The following GPC3 variants were observed in gnomAD, a reference collection of about 807,000 sequenced individuals.
GPC3 encodes the protein glypican 3, also known as glypican-3.
In GPC3, 3 loss-of-function variants were observed where a neutral mutation model predicts 34.4. That is an observed-to-expected ratio of 0.09 (90% confidence interval 0.04 to 0.23). The LOEUF is 0.23. Among genes scored for constraint, GPC3 ranks in the 10% least tolerant of loss-of-function variants. The pLI, the probability that GPC3 is intolerant of heterozygous loss-of-function variation, is 1.00. For missense variants in GPC3, 351 were observed against 445.6 expected, an observed-to-expected ratio of 0.79 and a Z score of 1.91; for synonymous variants, 177 against 174.0, an observed-to-expected ratio of 1.02 and a Z score of -0.13.
rs372012715 is a variant in GPC3, at chrX:133,625,532, A to G, written c.1414-28933T>C. ...TCTTATACACCAATAACAGACAAAC[A>G]GAGAGCCAAATCATGAGTGAACTCC... On this transcript the variant is annotated intron_variant, in intron 6 of 7. Transcript: ENST00000370818. Among the ~76,000 whole-genome samples, 112 of 111,950 alleles carry G rather than the reference A, an allele frequency of 1.0e-3. 4 individuals carry two copies. In the East Asian group the frequency reaches 0.027, roughly 27 times the overall value.
chrX:133,753,684 T>C lies in GPC3; in HGVS notation c.830A>G (p.Tyr277Cys). The change falls in exon 3 of 8, where the codon TAC becomes TGC. Residue 277 changes from tyrosine to cysteine, a missense_variant. Coordinates refer to ENST00000370818, the MANE Select transcript of GPC3 (RefSeq NM_004484.4). ...ACAGCCTTGCATGACCACATTGCAG[T>C]AACCGCCACAGGGTTTAACCATCAT... ...GLMMVKPCGG[Y>C]CNVVMQGCMA... 1 of 1,211,385 alleles carries C rather than the reference T, an allele frequency of 8.3e-7. No homozygotes were observed. Among genetic ancestry groups the C allele is most frequent in the Non-Finnish European group, 1.1e-6 (1 of 895,083 alleles).
intron 7 of GPC3, among the ~76,000 whole-genome samples, chrX:133,549,229 A>G (rs180938392): frequency 1.8e-5 from 2 of 110,866 alleles, no homozygotes; most frequent in African/African-American, 6.6e-5. Context: ...ACCGCCACCC[A>G]CAGTCCTCAA....
chrX:133,712,993 C>G (rs145143727), intron 3 of GPC3, among the ~76,000 whole-genome samples: 1,487 of 112,287 alleles, frequency 0.013, 25 homozygotes, highest in African/African-American at 0.044. Flanking sequence ...GATGGAGAAA[C>G]AAACTCATCA....
Position 133,557,524 on chromosome X carries a change from A to G in GPC3, c.1574-21231T>C, listed in dbSNP as rs182936389. ...ACAAACCCCAGCATGACACGAGGCT[A>G]TATCAGTTGGATTATGGAGCAAATC... On this transcript the variant is annotated intron_variant, in intron 7 of 7. Coordinates refer to ENST00000370818, the MANE Select transcript of GPC3 (RefSeq NM_004484.4). Among the ~76,000 whole-genome samples the G allele has an allele frequency of 2.9e-3, 324 of 111,478 alleles. 1 individual carries two copies. Among genetic ancestry groups the G allele is most frequent in the African/African-American group, 1.0e-2 (306 of 30,707 alleles).
intron 2 of GPC3, among the ~76,000 whole-genome samples, chrX:133,924,293 T>C (rs2076266164): frequency 9.0e-6 from 1 of 110,856 alleles, no homozygotes; most frequent in South Asian, 3.9e-4. Context: ...TAGAAGGCAA[T>C]TGTATATCAA....
At position 133,551,047 on chromosome X, in the gene GPC3, G is replaced by A. The variant is rs191182844; in HGVS notation, c.1574-14754C>T. 3.6e-5 allele frequency among the ~76,000 whole-genome samples: 4 copies of A among 111,563 alleles called. 1 individual carries two copies. Among genetic ancestry groups the A allele is most frequent in the African/African-American group, 1.3e-4 (4 of 30,696 alleles). On this transcript the variant is annotated intron_variant, in intron 7 of 7. Coordinates refer to ENST00000370818, the MANE Select transcript of GPC3 (RefSeq NM_004484.4). ...AGGAAACAGGGTTTTTGATGAGTAG[G>A]TTCTATTCATTTCTTACTTGGAACC...
chrX:133,959,186 C>A (rs868729794), intron 1 of GPC3, among the ~76,000 whole-genome samples: 7 of 111,726 alleles, frequency 6.3e-5, no homozygotes, highest in South Asian at 3.8e-4. Context: ...ACCTCCATCA[C>A]AGACTCTTTC....
At chrX:133,720,092 T>A (rs1050318221) in intron 3 of GPC3, among the ~76,000 whole-genome samples, 6 of 98,694 alleles carry the variant, frequency 6.1e-5, no homozygotes, top group Non-Finnish European at 8.5e-5. Context: ...AAGGGAACAC[T>A]TCTACACTGC....
chrX:133,791,259 A>G (rs2072157003), intron 2 of GPC3, among the ~76,000 whole-genome samples: 1 of 111,217 alleles, frequency 9.0e-6, no homozygotes, highest in African/African-American at 3.3e-5. Flanking sequence ...TTCCCCGGAA[A>G]CTCATCCCTT....
chrX:133,651,791 A>G (rs1467199289), intron 6 of GPC3, among the ~76,000 whole-genome samples: 3 of 112,212 alleles, frequency 2.7e-5, no homozygotes, highest in Non-Finnish European at 5.6e-5. Flanking sequence ...TTCATATATG[A>G]TAATTAATTA....
chrX:133,580,073 G>A (rs2069719854), intron 7 of GPC3, among the ~76,000 whole-genome samples: 1 of 112,098 alleles, frequency 8.9e-6, no homozygotes, highest in South Asian at 3.7e-4. Context: ...GATGGAGTAG[G>A]GGTTAGTGAG....
chrX:133,931,195 T>C (rs1435550856), intron 2 of GPC3, among the ~76,000 whole-genome samples: 2 of 111,570 alleles, frequency 1.8e-5, no homozygotes, highest in African/African-American at 6.5e-5. Flanking sequence ...ACATAGTACA[T>C]ACTCATTAAA....
At chrX:133,781,902 C>G (rs1343418226) in intron 2 of GPC3, among the ~76,000 whole-genome samples, 1 of 111,811 alleles carries the variant, frequency 8.9e-6, no homozygotes, top group Non-Finnish European at 1.9e-5. Context: ...AATCCAATCT[C>G]TCTTATGCCC....
intron 2 of GPC3, among the ~76,000 whole-genome samples, chrX:133,804,479 C>CT (rs928587696): frequency 2.8e-4 from 30 of 106,214 alleles, no homozygotes; most frequent in African/African-American, 4.8e-4. Flanking sequence ...CAGCCCTGAC[C>CT]TTTTTTTTTT....
At position 133,963,895 on chromosome X, in the gene GPC3, T is replaced by A. The variant is rs374724173; in HGVS notation, c.176-10684A>T. Among the ~76,000 whole-genome samples, 4 of 111,522 alleles carry A rather than the reference T, an allele frequency of 3.6e-5. No homozygotes were observed. In the East Asian group the frequency reaches 1.1e-3, roughly 32 times the overall value. ...ACAGCCTACTTCCTATACATAGTAA[T>A]CTCCCTGTCTCTTGAGGCATTCAGG... On this transcript the variant is annotated intron_variant, in intron 1 of 7. Transcript: ENST00000370818.
intron 5 of GPC3, among the ~76,000 whole-genome samples, chrX:133,687,383 GTT>G (rs1189478107): frequency 1.4e-4 from 7 of 50,211 alleles, no homozygotes; most frequent in African/African-American, 5.1e-4. Context: ...AATTATCAGA[GTT>G]TTTTTTTTTT....
In GPC3 at chrX:133,747,450, G is replaced by A. The variant is rs2071622323; in HGVS notation, c.1032+6032C>T. 2.7e-5 allele frequency among the ~76,000 whole-genome samples: 3 copies of A among 112,012 alleles called. No individual in the cohort carries two copies. The South Asian group carries it at 1.1e-3, about 42-fold the overall frequency. On this transcript the variant is annotated intron_variant, in intron 3 of 7. Transcript: ENST00000370818. ...AAATACTAGAGCAAAAGTCTCCAAG[G>A]AGGGAGAATGAATTCAGAAACTGAT... is the stretch of plus-strand genomic sequence containing the variant.
At chrX:133,934,708 A>C (rs1191275248) in intron 2 of GPC3, among the ~76,000 whole-genome samples, 2 of 103,310 alleles carry the variant, frequency 1.9e-5, no homozygotes, top group Non-Finnish European at 3.9e-5. Flanking sequence ...TTTTTTATAG[A>C]GACGGGGTTT....
intron 2 of GPC3, among the ~76,000 whole-genome samples, chrX:133,795,968 T>C (rs1352661667): frequency 7.5e-5 from 7 of 93,718 alleles, no homozygotes; most frequent in Admixed American, 2.3e-4. Flanking sequence ...TTTTTTGAGA[T>C]GGAGTCTCGC....
Sources: gnomAD v4.1 joint callset for allele counts (sites outside exome capture counted in the v4.1 genomes callset) on GRCh38, gnomAD v4.1.1 for gene constraint, MANE v1.5 for transcripts, NCBI Gene and HGNC (gene_info 2026-07-23, HGNC 2026-07-21) for gene names.